RFX4: variants seen among roughly 807,000 people sequenced by gnomAD.
The protein encoded by RFX4 is transcription factor RFX4.
In RFX4, 10 loss-of-function variants were observed where a neutral mutation model predicts 95.0. The observed-to-expected ratio is 0.11, with a 90% CI of 0.06 to 0.18. RFX4 has a LOEUF of 0.18. RFX4 is among the 10% of genes least tolerant of loss of function. The pLI, the probability that RFX4 is intolerant of heterozygous loss-of-function variation, is 1.00. For synonymous variants in RFX4, 321 were observed against 340.7 expected, an observed-to-expected ratio of 0.94 and a Z score of 0.64; for missense variants, 640 against 922.0, an observed-to-expected ratio of 0.69 and a Z score of 3.96.
intron 2 of RFX4, among the ~76,000 whole-genome samples, chr12:106,636,353 G>A (rs1436555836): frequency 1.4e-5 from 2 of 146,948 alleles, no homozygotes; most frequent in Non-Finnish European, 3.0e-5. Context: ...TCGTGCCATT[G>A]CACTCCAGCC....
chr12:106,683,359 T>C (rs1474125748), intron 5 of RFX4: 1 of 150,752 alleles, frequency 6.6e-6, no homozygotes, highest in East Asian at 2.0e-4. Flanking sequence ...ATTTTTTTGG[T>C]GTAGCTCAGA....
rs1370391671 is a variant in RFX4 at position 106,586,933 on chromosome 12, T to G, written c.43+3570T>G. The stretch of plus-strand genomic sequence containing the variant: ...AAGGAGCCGGAGGTCCGAGCCTTGC[T>G]CCAGCGCCCAAACCAGACAGTCTCG... On this transcript the variant is annotated intron_variant, in intron 1 of 17. Coordinates refer to ENST00000392842, the MANE Select transcript of RFX4 (RefSeq NM_213594.3). The surrounding 1 kb of genome is among the most constrained non-coding windows in gnomAD (Gnocchi z 5.6). Among the ~76,000 whole-genome samples, 2 of 152,148 alleles carry G rather than the reference T, an allele frequency of 1.3e-5. No individual in the cohort carries two copies. Among genetic ancestry groups the G allele is most frequent in the Admixed American group, 1.3e-4 (2 of 15,288 alleles).
Position 106,664,135 on chromosome 12 carries a change from A to G in RFX4, c.315+9784A>G, listed in dbSNP as rs541104472. Among the ~76,000 whole-genome samples the G allele has an allele frequency of 3.9e-5, 6 of 151,994 alleles. No individual in the cohort carries two copies. In the South Asian group the frequency reaches 1.2e-3, roughly 32 times the overall value. ...TGAAAGAGATTGTAAAGAATTGACAAAATTTCTTCTATAAATGTTTGGTAG... is the reference window on the plus strand; with the variant it reads ...TGAAAGAGATTGTAAAGAATTGACAGAATTTCTTCTATAAATGTTTGGTAG... On this transcript the variant is annotated intron_variant, in intron 4 of 17. Transcript: ENST00000392842.
chr12:106,733,388 C>T (rs565217652), intron 15 of RFX4: 1 of 267,220 alleles, frequency 3.7e-6, no homozygotes, highest in South Asian at 7.9e-5. Flanking sequence ...AATGCCAAAA[C>T]CTGGGTATCT....
chr12:106,753,614 G>A (rs2043052701), intron 17 of RFX4, among the ~76,000 whole-genome samples: 1 of 152,142 alleles, frequency 6.6e-6, no homozygotes, highest in African/African-American at 2.4e-5. Context: ...TCTGCGCTGA[G>A]CACTCTCCAC....
At chr12:106,600,179 A>G (rs2039680102) in intron 1 of RFX4, among the ~76,000 whole-genome samples, 1 of 152,158 alleles carries the variant, frequency 6.6e-6, no homozygotes, top group Non-Finnish European at 1.5e-5. Flanking sequence ...ACCTGAATCA[A>G]TGTGTGTAGT....
chr12:106,633,225 G>A (rs1271849465), intron 2 of RFX4, among the ~76,000 whole-genome samples: 1 of 152,174 alleles, frequency 6.6e-6, no homozygotes, highest in Non-Finnish European at 1.5e-5. Flanking sequence ...TGACTGAGCT[G>A]GAGGGCCCAC....
At chr12:106,668,521 C>T (rs560330315) in intron 4 of RFX4, among the ~76,000 whole-genome samples, 1 of 152,132 alleles carries the variant, frequency 6.6e-6, no homozygotes, top group Non-Finnish European at 1.5e-5. Flanking sequence ...ACTTGAGCTC[C>T]TGAGTTCGAG....
At chr12:106,681,149 T>C (rs2041500053) in intron 4 of RFX4, 2 of 152,220 alleles carry the variant, frequency 1.3e-5, no homozygotes, top group South Asian at 4.1e-4. Context: ...GCAATTATCA[T>C]CCTCTGCTCT....
chr12:106,669,509 C>T (rs1413346682), intron 4 of RFX4, among the ~76,000 whole-genome samples: 1 of 152,084 alleles, frequency 6.6e-6, no homozygotes, highest in Non-Finnish European at 1.5e-5. Flanking sequence ...ATCAGCTGCA[C>T]TTACCTGCAT....
chr12:106,749,202 G>A (rs553374576), intron 16 of RFX4, among the ~76,000 whole-genome samples: 3 of 150,612 alleles, frequency 2.0e-5, no homozygotes, highest in South Asian at 2.1e-4. Flanking sequence ...GTTGCAGTAA[G>A]CTGAGATCGC....
intron 4 of RFX4, among the ~76,000 whole-genome samples, chr12:106,669,674 C>G (rs80222270): frequency 6.6e-6 from 1 of 151,646 alleles, no homozygotes; most frequent in African/African-American, 2.4e-5. Context: ...TCTTTAGGAT[C>G]CTTCAAAGAT....
At chr12:106,591,237 C>T (rs913553299) in intron 1 of RFX4, among the ~76,000 whole-genome samples, 12 of 146,710 alleles carry the variant, frequency 8.2e-5, no homozygotes, top group Non-Finnish European at 1.5e-4. Context: ...TATTTTCTCC[C>T]TATATGAAAG....
rs766813911 is a variant in RFX4 at position 106,732,944 on chromosome 12, A to T, written c.1492A>T (p.Ile498Phe). 2.5e-6 allele frequency: 4 copies of T among 1,614,170 alleles called. No individual in the cohort carries two copies. The highest frequency in any genetic ancestry group is 3.4e-6 in the Non-Finnish European group (4 of 1,180,016). Residue 498 changes from isoleucine to phenylalanine, a missense_variant, in exon 15 of 18, where the codon ATC (isoleucine) becomes TTC (phenylalanine). Around this residue, in one of 7 missense-constraint regions of RFX4, gnomAD observed 300 missense variants for 346.8 expected, o/e 0.87. Transcript: ENST00000392842. ...GSTAEVREEI[I>F]LTEAAAPTPS... ...CACAGCAGAAGTCCGAGAAGAGATCATCTTGACAGAGGCTGCCGCACCAAC... is the reference window on the plus strand; with the variant it reads ...CACAGCAGAAGTCCGAGAAGAGATCTTCTTGACAGAGGCTGCCGCACCAAC...
At chr12:106,633,129 A>C (rs1178668174) in intron 2 of RFX4, among the ~76,000 whole-genome samples, 1 of 152,216 alleles carries the variant, frequency 6.6e-6, no homozygotes. Context: ...CTTTAGAAGA[A>C]AAGGGCTTGG....
chr12:106,598,073 T>C (rs1176426728), intron 1 of RFX4, among the ~76,000 whole-genome samples: 1 of 152,190 alleles, frequency 6.6e-6, no homozygotes, highest in Non-Finnish European at 1.5e-5. Context: ...ATCCGTATTA[T>C]GCATAAGGAG....
chr12:106,621,038 GT>G (rs2040174987), intron 2 of RFX4, among the ~76,000 whole-genome samples: 1 of 151,930 alleles, frequency 6.6e-6, no homozygotes, highest in South Asian at 2.1e-4. Context: ...CCGTTATTCT[GT>G]TCTTTTTCAA....
chr12:106,604,773 G>T (rs1026992117), intron 1 of RFX4, among the ~76,000 whole-genome samples: 8 of 152,166 alleles, frequency 5.3e-5, no homozygotes, highest in Non-Finnish European at 8.8e-5. Flanking sequence ...GTATGACAAA[G>T]GCTGACAAAG....
intron 13 of RFX4, among the ~76,000 whole-genome samples, chr12:106,722,207 A>G (rs1281009035): frequency 6.6e-6 from 1 of 152,252 alleles, no homozygotes; most frequent in Non-Finnish European, 1.5e-5. Context: ...GTTTTCCCTT[A>G]AGTGAACTGT....
Sources: allele counts gnomAD v4.1 joint callset (sites outside exome capture counted in the v4.1 genomes callset), GRCh38; gene constraint gnomAD v4.1.1; regional missense constraint gnomAD v4.1.1; non-coding constraint Gnocchi (gnomAD v3.1); transcripts MANE v1.5; gene names NCBI Gene and HGNC (gene_info 2026-07-23, HGNC 2026-07-21).